BLK: variants seen among roughly 807,000 people sequenced by gnomAD.
BLK encodes tyrosine-protein kinase Blk.
Under a neutral mutation model 61.8 loss-of-function variants are expected in BLK, and 64 were observed. The ratio of observed to expected loss-of-function variants is 1.03; its 90% CI spans 0.85 to 1.27. The LOEUF (loss-of-function observed/expected upper bound fraction) is 1.27. BLK is among the 50% of genes most tolerant of loss of function. The pLI is 0.00. For missense variants in BLK, 853 were observed against 660.5 expected, an observed-to-expected ratio of 1.29 and a Z score of -3.19; for synonymous variants, 351 against 272.0, an observed-to-expected ratio of 1.29 and a Z score of -2.86.
At chr8:11,545,877 G>A (rs1355184934) in intron 2 of BLK, 175 bp from the exon 3 acceptor site, 2 of 747,344 alleles carry the variant, frequency 2.7e-6, no homozygotes, top group Non-Finnish European at 4.8e-6. Context: ...CTGTCTGAGG[G>A]TAGTGCTGGT....
intron 1 of BLK, among the ~76,000 whole-genome samples, chr8:11,503,353 A>C (rs1242811523): frequency 1.3e-5 from 2 of 152,170 alleles, no homozygotes; most frequent in Non-Finnish European, 2.9e-5. Context: ...ACTCTTCTGC[A>C]AAGTGCGTTT....
rs975350344 is a variant in BLK, at chr8:11,556,526, C to T, written c.773-132C>T. The T allele has an allele frequency of 6.1e-5, 67 of 1,106,588 alleles. No homozygotes were observed. In the African/African-American group the frequency reaches 6.3e-4, roughly 10 times the overall value. The allele number at this position is 1,106,588 out of a possible 1,614,324, so 68.5% of individuals were successfully genotyped here. ...GTAGGCACCACACAACCATGGCCTCCGGAACTGCATGTTCCAGCTCTGGCA... is the reference window on the plus strand; with the variant it reads ...GTAGGCACCACACAACCATGGCCTCTGGAACTGCATGTTCCAGCTCTGGCA... On this transcript the variant is annotated intron_variant, in intron 8 of 12. Transcript: ENST00000259089.
At chr8:11,548,884 C>A (rs1000585267) in intron 4 of BLK, 140 bp from the exon 5 acceptor site, 3 of 796,202 alleles carry the variant, frequency 3.8e-6, no homozygotes, top group African/African-American at 1.7e-5. Context: ...GGGCACAAGC[C>A]CCTTCCTGCC....
At chr8:11,548,174 C>A (rs202061540) in intron 4 of BLK, 49 bp downstream of exon 4, 17 of 1,478,598 alleles carry the variant, frequency 1.1e-5, no homozygotes, top group Admixed American at 8.4e-5. Flanking sequence ...CCCCCTCCCC[C>A]ACATCTCTCC....
intron 2 of BLK, among the ~76,000 whole-genome samples, chr8:11,545,168 G>A (rs958693860): frequency 4.6e-5 from 7 of 152,184 alleles, no homozygotes; most frequent in African/African-American, 1.2e-4. Context: ...GTTGATGCAC[G>A]TGGCTGTTGC....
rs1563420844 is a variant in BLK at position 11,504,416 on chromosome 8, A to AAAAG, written c.-2+9828_-2+9829insGAAA. Among the ~76,000 whole-genome samples, 356 of 130,244 alleles carry AAAAG rather than the reference A, an allele frequency of 2.7e-3. 3 individuals are homozygous for AAAAG. The highest frequency in any genetic ancestry group is 0.012 in the African/African-American group (336 of 28,252). The allele number at this position is 130,244 out of a possible 152,430, so 85.4% of individuals were successfully genotyped here. Reference sequence around the variant, plus strand: ...GAAAAGAAAAGAAAAGAAAAGAAAAAAAAAAGAAAAGATCCCATTCACCTG... The same window carrying AAAAG: ...GAAAAGAAAAGAAAAGAAAAGAAAAAAAAGAAAAAGAAAAGATCCCATTCACCTG... On this transcript the variant is annotated intron_variant, in intron 1 of 12. Coordinates refer to ENST00000259089, the MANE Select transcript of BLK (RefSeq NM_001715.3).
intron 8 of BLK, chr8:11,555,841 A>G (rs538219568): frequency 1.1e-5 from 4 of 367,326 alleles, no homozygotes; most frequent in South Asian, 8.6e-5. Flanking sequence ...GTTAAACGTG[A>G]TGAGCCATGA....
In BLK at chr8:11,554,831, C is replaced by T. The variant is rs1563119375; in HGVS notation, c.561C>T (p.Tyr187=). Residue 187 remains tyrosine (Y), a synonymous_variant, in exon 7 of 13, where the codon TAC becomes TAT. Transcript: ENST00000259089. ...TCCGCTGCCTGGATGAAGGGGGCTA[C>T]TACATCTCCCCCCGGATCACCTTCC... ...YKIRCLDEGG[Y]YISPRITFPS... 1.2e-6 allele frequency: 2 copies of T among 1,614,040 alleles called. No individual in the cohort carries two copies. The highest frequency in any genetic ancestry group is 1.7e-5 in the Admixed American group (1 of 60,028).
rs532336663 is a variant in BLK, at chr8:11,559,503, ACAAACT to A, written c.1029+1468_1029+1473del. 9.9e-4 allele frequency among the ~76,000 whole-genome samples: 122 copies of A among 122,986 alleles called. 5 individuals carry two copies. In the South Asian group the frequency reaches 0.025, roughly 25 times the overall value. 80.7% of individuals were successfully genotyped at this position (122,986 alleles called of 152,430 possible). A position where few individuals can be genotyped will look rare whatever the true frequency, so the allele number is the denominator to read the frequency against. On this transcript the variant is annotated intron_variant, in intron 10 of 12. Coordinates refer to ENST00000259089, the MANE Select transcript of BLK (RefSeq NM_001715.3). ...CACACAAACACATTTACACAAACTCACAAACTCACACACACAAACACACACACAAAC... is the reference window on the plus strand; with the variant it reads ...CACACAAACACATTTACACAAACTCACACACACACAAACACACACACAAAC...
Position 11,555,675 on chromosome 8 carries a change from A to AC in BLK, c.772+193dup. 3 of 888,502 alleles carry AC rather than the reference A, an allele frequency of 3.4e-6. No individual in the cohort carries two copies. In the South Asian group the frequency reaches 4.6e-5, roughly 14 times the overall value. The allele number at this position is 888,502 out of a possible 1,614,324, so 55.0% of individuals were successfully genotyped here. On this transcript the variant is annotated intron_variant, in intron 8 of 12. Transcript: ENST00000259089. ...GCAGAGCCGCGTTGTAACAGCTGGG[A>AC]CCGCTTATGGTGGTGGCAGAGCAGG...
chr8:11,502,881 G>C (rs965585526), intron 1 of BLK, among the ~76,000 whole-genome samples: 1 of 152,164 alleles, frequency 6.6e-6, no homozygotes, highest in Non-Finnish European at 1.5e-5. Context: ...AGGGGGGTGG[G>C]CCTGTGGGCC....
chr8:11,558,056 T>C lies in BLK; in HGVS notation c.1029+18T>C. The C allele has an allele frequency of 1.9e-6, 3 of 1,613,594 alleles. No individual in the cohort carries two copies. Among genetic ancestry groups the C allele is most frequent in the Non-Finnish European group, 2.5e-6 (3 of 1,179,558 alleles). The stretch of plus-strand genomic sequence containing the variant: ...CGGCGCAGGTTGGTGAAGTACCAGG[T>C]GCAGAGAAAGGGCGGCATGTGCCAC... On this transcript the variant is annotated intron_variant, in intron 10 of 12. Coordinates refer to ENST00000259089, the MANE Select transcript of BLK (RefSeq NM_001715.3).
At chr8:11,546,737 G>C (rs906440048) in intron 3 of BLK, among the ~76,000 whole-genome samples, 4 of 152,140 alleles carry the variant, frequency 2.6e-5, no homozygotes, top group African/African-American at 9.7e-5. Flanking sequence ...AACCACACCG[G>C]GCTAATTTTT....
chr8:11,555,318 C>T lies in BLK; in HGVS notation c.620-14C>T. The T allele has an allele frequency of 6.2e-7, 1 of 1,614,042 alleles. No individual in the cohort carries two copies. The highest frequency in any genetic ancestry group is 8.5e-7 in the Non-Finnish European group (1 of 1,180,024). The stretch of plus-strand genomic sequence containing the variant: ...CTGGTAACCCCCAGCCCTGTCTTTT[C>T]TTCCCTAATGCAGAGAAGGGGGATG... On this transcript the variant is annotated splice_polypyrimidine_tract_variant and intron_variant, in intron 7 of 12. Coordinates refer to ENST00000259089, the MANE Select transcript of BLK (RefSeq NM_001715.3).
rs373927935 is a variant in BLK at position 11,563,884 on chromosome 8, G to A, written c.1313-19G>A. 4 of 1,602,412 alleles carry A rather than the reference G, an allele frequency of 2.5e-6. No homozygotes were observed. Among genetic ancestry groups the A allele is most frequent in the Non-Finnish European group, 3.4e-6 (4 of 1,175,962 alleles). ...GGACCCCAGCCCCTCACCCCCGCTT[G>A]CGGTCTCCTCTGCCGCAGGGATGAG... is the stretch of plus-strand genomic sequence containing the variant. On this transcript the variant is annotated intron_variant, in intron 12 of 12. Transcript: ENST00000259089.
rs749146872 is a variant in BLK at position 11,556,849 on chromosome 8, C to G, written c.952+12C>G. ...GTACATGGCCAGAGGTGGTGCCCCCCGCAGAGCCGCATCCTCAGAGCGAGG... is the reference window on the plus strand; with the variant it reads ...GTACATGGCCAGAGGTGGTGCCCCCGGCAGAGCCGCATCCTCAGAGCGAGG... On this transcript the variant is annotated intron_variant, in intron 9 of 12. Transcript: ENST00000259089. 1.2e-6 allele frequency: 2 copies of G among 1,613,126 alleles called. No individual in the cohort carries two copies. The highest frequency in any genetic ancestry group is 4.5e-5 in the East Asian group (2 of 44,810).
At chr8:11,508,462 C>G (rs1338414182) in intron 1 of BLK, among the ~76,000 whole-genome samples, 1 of 152,250 alleles carries the variant, frequency 6.6e-6, no homozygotes, top group African/African-American at 2.4e-5. Flanking sequence ...GCGAAGCCAT[C>G]ATGTGTGGGA....
chr8:11,538,134 G>T (rs762508939), intron 1 of BLK, among the ~76,000 whole-genome samples: 1 of 152,038 alleles, frequency 6.6e-6, no homozygotes, highest in Non-Finnish European at 1.5e-5. Context: ...GTATTCACAC[G>T]CATGCTCTCG....
At chr8:11,509,070 C>T (rs1314603726) in intron 1 of BLK, 1 of 152,226 alleles carries the variant, frequency 6.6e-6, no homozygotes, top group Non-Finnish European at 1.5e-5. Flanking sequence ...GGCATCACAA[C>T]AATGACTCAG....
Sources: allele counts gnomAD v4.1 joint callset (sites outside exome capture counted in the v4.1 genomes callset), GRCh38; gene constraint gnomAD v4.1.1; transcripts MANE v1.5; gene names NCBI Gene and HGNC (gene_info 2026-07-23, HGNC 2026-07-21).